The following ATP8B4 variants were observed in gnomAD, a reference collection of about 807,000 sequenced individuals.
ATP8B4 encodes probable phospholipid-transporting ATPase IM.
In ATP8B4, 133 loss-of-function variants were observed where a neutral mutation model predicts 145.6. The ratio of observed to expected loss-of-function variants is 0.91; its 90% CI spans 0.79 to 1.05. The LOEUF is 1.05. Among genes scored for constraint, ATP8B4 ranks in the 50% least tolerant of loss-of-function variants. ATP8B4 has a pLI of 0.00. For synonymous variants in ATP8B4, 507 were observed against 492.9 expected, an observed-to-expected ratio of 1.03 and a Z score of -0.38; for missense variants, 1,458 against 1,425.2, an observed-to-expected ratio of 1.02 and a Z score of -0.37.
intron 1 of ATP8B4, among the ~76,000 whole-genome samples, chr15:50,167,336 C>T (rs1768438038): frequency 6.6e-6 from 1 of 152,196 alleles, no homozygotes; most frequent in Non-Finnish European, 1.5e-5. Context: ...TCCTTCTGAA[C>T]ACTCTGAGGG....
chr15:49,995,832 G>A (rs2047378390), intron 9 of ATP8B4, among the ~76,000 whole-genome samples: 1 of 152,112 alleles, frequency 6.6e-6, no homozygotes, highest in African/African-American at 2.4e-5. Context: ...GGTAAAGCAG[G>A]AGACCACTGA....
chr15:50,060,525 T>C (rs965059774), intron 3 of ATP8B4, among the ~76,000 whole-genome samples: 2 of 152,102 alleles, frequency 1.3e-5, no homozygotes, highest in Admixed American at 6.6e-5. Flanking sequence ...ATTTCCCCCA[T>C]GTAAATTTGC....
At position 49,858,829 on chromosome 15, in the gene ATP8B4, G is replaced by T. The variant is rs763321244; in HGVS notation, c.*1365C>A. 6 of 152,010 alleles carry T rather than the reference G, an allele frequency of 3.9e-5. No homozygotes were observed. The highest frequency in any genetic ancestry group is 7.4e-5 in the Non-Finnish European group (5 of 68,012). The allele number at this position is 152,010 out of a possible 1,614,324, so 9.4% of individuals were successfully genotyped here. A position where few individuals can be genotyped will look rare whatever the true frequency, so the allele number is the denominator to read the frequency against. On this transcript the variant is annotated 3_prime_UTR_variant, in exon 28 of 28. Transcript: ENST00000284509. ...AGTTTTTTCATATTCTCTTCCAATT[G>T]CTCTGTTATACTGATGTTGAGTTAA... is the stretch of plus-strand genomic sequence containing the variant.
At chr15:50,060,397 G>A (rs1045167528) in intron 3 of ATP8B4, among the ~76,000 whole-genome samples, 7 of 152,126 alleles carry the variant, frequency 4.6e-5, no homozygotes, top group Non-Finnish European at 8.8e-5. Flanking sequence ...ATACTTGAGT[G>A]AGTGCAATTT....
intron 20 of ATP8B4, among the ~76,000 whole-genome samples, chr15:49,913,413 A>G (rs181863356): frequency 1.5e-3 from 233 of 152,274 alleles, no homozygotes; most frequent in African/African-American, 5.5e-3. Flanking sequence ...CACAGCTAAC[A>G]TCATACTGAA....
chr15:50,125,018 A>T (rs942156074), intron 1 of ATP8B4, among the ~76,000 whole-genome samples: 4 of 152,174 alleles, frequency 2.6e-5, no homozygotes, highest in Non-Finnish European at 5.9e-5. Context: ...CACTCCCTAA[A>T]ATAATGTATC....
chr15:50,090,380 A>C (rs1023797070), intron 2 of ATP8B4, among the ~76,000 whole-genome samples: 1 of 152,184 alleles, frequency 6.6e-6, no homozygotes, highest in Non-Finnish European at 1.5e-5. Context: ...AAAATAATAA[A>C]AATCTAATTC....
intron 1 of ATP8B4, among the ~76,000 whole-genome samples, chr15:50,136,544 T>C (rs17499691): frequency 0.16 from 24,596 of 152,268 alleles, 2,255 homozygotes; most frequent in Non-Finnish European, 0.21. Context: ...GTATCCTAAT[T>C]GTTTCCTTTG....
intron 2 of ATP8B4, among the ~76,000 whole-genome samples, chr15:50,078,682 T>A (rs2054346852): frequency 6.6e-6 from 1 of 151,842 alleles, no homozygotes; most frequent in Non-Finnish European, 1.5e-5. Flanking sequence ...CCAATCAGGA[T>A]GAATGAAAAT....
chr15:50,071,159 C>T (rs1230843354), intron 3 of ATP8B4, among the ~76,000 whole-genome samples: 1 of 152,206 alleles, frequency 6.6e-6, no homozygotes, highest in Admixed American at 6.5e-5. Flanking sequence ...CACAGCCACA[C>T]ATGTGCGTGC....
intron 1 of ATP8B4, among the ~76,000 whole-genome samples, chr15:50,108,972 G>A (rs2056815249): frequency 6.6e-6 from 1 of 152,144 alleles, no homozygotes; most frequent in Admixed American, 6.5e-5. Context: ...GATGCTAAAA[G>A]ACACTTTCCT....
intron 9 of ATP8B4, among the ~76,000 whole-genome samples, chr15:49,987,843 T>C (rs763624081): frequency 5.3e-5 from 8 of 152,210 alleles, no homozygotes; most frequent in Non-Finnish European, 1.0e-4. Flanking sequence ...AGCATATCTT[T>C]ACTTCCGGTT....
chr15:50,119,023 A>T (rs1416442501), intron 1 of ATP8B4, 100 bp downstream of exon 1: 2 of 152,002 alleles, frequency 1.3e-5, no homozygotes, highest in Non-Finnish European at 2.9e-5. Flanking sequence ...ACAGCAAAAC[A>T]AAATAGGGAT....
intron 2 of ATP8B4, among the ~76,000 whole-genome samples, chr15:50,084,140 G>A (rs997472904): frequency 4.6e-5 from 7 of 152,236 alleles, no homozygotes; most frequent in East Asian, 1.9e-4. Flanking sequence ...CTACACCACC[G>A]TGATGTAACG....
At chr15:50,040,656 A>C (rs2051206126) in intron 5 of ATP8B4, among the ~76,000 whole-genome samples, 1 of 152,208 alleles carries the variant, frequency 6.6e-6, no homozygotes, top group South Asian at 2.1e-4. Flanking sequence ...CAGTCAGCTC[A>C]TCCCCCAAAA....
chr15:49,994,313 T>C (rs1567162723), intron 9 of ATP8B4, among the ~76,000 whole-genome samples: 1 of 152,108 alleles, frequency 6.6e-6, no homozygotes, highest in Non-Finnish European at 1.5e-5. Context: ...CCTCACCCCA[T>C]CGTTTCACAC....
intron 10 of ATP8B4, among the ~76,000 whole-genome samples, chr15:49,987,103 A>C (rs1203638806): frequency 6.6e-6 from 1 of 152,202 alleles, no homozygotes; most frequent in Non-Finnish European, 1.5e-5. Flanking sequence ...AGATGGGGTT[A>C]ATGAAGAAAA....
chr15:50,121,344 A>G (rs2057268445), upstream of ATP8B4, among the ~76,000 whole-genome samples: 1 of 152,186 alleles, frequency 6.6e-6, no homozygotes, highest in East Asian at 1.9e-4. Context: ...GGAAGAGAGT[A>G]TGGGAAGGTA....
At chr15:49,964,983 A>G (rs1354091345) in intron 13 of ATP8B4, among the ~76,000 whole-genome samples, 2 of 152,322 alleles carry the variant, frequency 1.3e-5, no homozygotes, top group African/African-American at 4.8e-5. Flanking sequence ...GGTTAAAGCA[A>G]TATTTTTAGA....
Sources: gnomAD v4.1 joint callset for allele counts (sites outside exome capture counted in the v4.1 genomes callset) on GRCh38, gnomAD v4.1.1 for gene constraint, MANE v1.5 for transcripts, NCBI Gene and HGNC (gene_info 2026-07-23, HGNC 2026-07-21) for gene names.